TENM2: variants seen among roughly 807,000 people sequenced by gnomAD.
The protein encoded by TENM2 is teneurin-2.
TENM2 carries 52 observed loss-of-function variants against 245.2 expected under a neutral mutation model. The observed-to-expected ratio is 0.21, with a 90% CI of 0.17 to 0.27. The LOEUF is 0.27. Ranked by LOEUF, TENM2 falls within the 10% of genes least tolerant of loss-of-function variation. TENM2 has a pLI of 1.00. For missense variants in TENM2, 3,046 were observed against 3,666.8 expected (o/e 0.83, Z 4.37); for synonymous variants, 1,363 against 1,438.9 (o/e 0.95, Z 1.19).
intron 2 of TENM2, among the ~76,000 whole-genome samples, chr5:167,638,089 A>AGG (rs1779322984): frequency 8.3e-6 from 1 of 121,004 alleles, no homozygotes; most frequent in Non-Finnish European, 1.7e-5. Context: ...AGAACAGGGC[A>AGG]GGTGTGTGTG....
intron 13 of TENM2, among the ~76,000 whole-genome samples, chr5:168,176,157 CT>C (rs1242083343): frequency 6.6e-6 from 1 of 152,094 alleles, no homozygotes; most frequent in African/African-American, 2.4e-5. Flanking sequence ...GGTCCTCCAG[CT>C]TCTAATCTGT....
At chr5:167,313,192 C>T (rs1036261286) in intron 1 of TENM2, among the ~76,000 whole-genome samples, 3 of 152,022 alleles carry the variant, frequency 2.0e-5, no homozygotes, top group Non-Finnish European at 4.4e-5. Context: ...TGCGAGCCAC[C>T]GTGCCCAGCC....
chr5:167,123,415 T>A, the TENM2 span, among the ~76,000 whole-genome samples: 1 of 152,212 alleles, frequency 6.6e-6, no homozygotes, highest in South Asian at 2.1e-4. Context: ...TTGAGTCTTT[T>A]GTTTGCTACC....
the TENM2 span, chr5:167,168,461 A>G: frequency 6.6e-6 from 1 of 152,162 alleles, no homozygotes; most frequent in Admixed American, 6.6e-5. Flanking sequence ...TCATCCTGAA[A>G]CTTTTGTGCT....
At chr5:167,835,938 G>C (rs1403890129) in intron 2 of TENM2, among the ~76,000 whole-genome samples, 1 of 152,154 alleles carries the variant, frequency 6.6e-6, no homozygotes, top group Non-Finnish European at 1.5e-5. Flanking sequence ...GGAAGTGCAA[G>C]TAGAGGACTG....
chr5:167,475,231 G>C (rs1767294690), intron 2 of TENM2, among the ~76,000 whole-genome samples: 1 of 152,106 alleles, frequency 6.6e-6, no homozygotes. Context: ...TAAATACGTT[G>C]AAGAATATCA....
chr5:167,620,052 G>A (rs1362862748), intron 2 of TENM2, among the ~76,000 whole-genome samples: 2 of 152,184 alleles, frequency 1.3e-5, no homozygotes, highest in Non-Finnish European at 1.5e-5. Context: ...TATTTTAAGA[G>A]TAGGGTTGTG....
the TENM2 span, among the ~76,000 whole-genome samples, chr5:167,275,657 T>C: frequency 4.6e-5 from 7 of 152,122 alleles, no homozygotes; most frequent in African/African-American, 1.4e-4. Context: ...TGCCCATGTG[T>C]TCATTGCTAG....
chr5:168,194,495 G>A (rs984469143), intron 14 of TENM2, among the ~76,000 whole-genome samples: 3 of 151,988 alleles, frequency 2.0e-5, no homozygotes, highest in African/African-American at 7.3e-5. Flanking sequence ...GCAGGAATTC[G>A]ACATAAGAGA....
At chr5:167,431,148 T>G (rs1291483221) in intron 2 of TENM2, among the ~76,000 whole-genome samples, 1 of 152,164 alleles carries the variant, frequency 6.6e-6, no homozygotes, top group Non-Finnish European at 1.5e-5. Context: ...ACTATGAAAT[T>G]TTCATAGTGA....
intron 1 of TENM2, among the ~76,000 whole-genome samples, chr5:167,324,726 A>G (rs939170975): frequency 1.3e-5 from 2 of 152,210 alleles, no homozygotes; most frequent in Non-Finnish European, 2.9e-5. Context: ...TTGTGTTTTT[A>G]GTGGTATTTG....
intron 2 of TENM2, chr5:167,653,713 A>G (rs1582660536): frequency 1.3e-5 from 2 of 152,354 alleles, no homozygotes; most frequent in South Asian, 4.1e-4. Flanking sequence ...GAGGTGGGTC[A>G]TGTGACCTAG....
At chr5:168,209,808 G>C (rs907788737) in intron 19 of TENM2, among the ~76,000 whole-genome samples, 1 of 152,176 alleles carries the variant, frequency 6.6e-6, no homozygotes, top group East Asian at 1.9e-4. Context: ...CTTCTACTAA[G>C]TATCTGCAAT....
intron 3 of TENM2, among the ~76,000 whole-genome samples, chr5:167,881,072 A>G (rs904673241): frequency 6.6e-6 from 1 of 152,180 alleles, no homozygotes; most frequent in Non-Finnish European, 1.5e-5. Flanking sequence ...TGGATTTGGG[A>G]TGAGGAAGAA....
intron 2 of TENM2, among the ~76,000 whole-genome samples, chr5:167,466,725 T>C (rs1319468121): frequency 6.6e-6 from 1 of 152,228 alleles, no homozygotes; most frequent in African/African-American, 2.4e-5. Context: ...TCTTTAACTT[T>C]GTTTTGTAGG....
exon 1 of TENM2, chr5:167,284,979 G>A (rs888482529): frequency 4.5e-6 from 7 of 1,551,856 alleles, no homozygotes; most frequent in Non-Finnish European, 6.1e-6. Flanking sequence ...GACTCTGAAG[G>A]CCTATGACCA....
chr5:167,515,608 A>AATATATATATACATATATATACATATAT (rs1770276509), intron 2 of TENM2, among the ~76,000 whole-genome samples: 1 of 46,064 alleles, frequency 2.2e-5, no homozygotes, highest in African/African-American at 7.9e-5. Flanking sequence ...ATCATAGGGC[A>AATATATATATACATATATATACATATAT]ATATATATAT....
chr5:167,354,979 C>T (rs1237388010), intron 1 of TENM2, among the ~76,000 whole-genome samples: 3 of 152,194 alleles, frequency 2.0e-5, no homozygotes, highest in African/African-American at 7.2e-5. Flanking sequence ...CTCTCCCCTA[C>T]GCTACCCCTG....
At chr5:167,915,209 C>G (rs1376089086) in intron 3 of TENM2, among the ~76,000 whole-genome samples, 1 of 152,066 alleles carries the variant, frequency 6.6e-6, no homozygotes, top group African/African-American at 2.4e-5. Flanking sequence ...ATGCTAACAT[C>G]TCAATGTCCA....
Sources: gnomAD v4.1 joint callset for allele counts (sites outside exome capture counted in the v4.1 genomes callset) on GRCh38, gnomAD v4.1.1 for gene constraint, MANE v1.5 for transcripts, NCBI Gene and HGNC (gene_info 2026-07-23, HGNC 2026-07-21) for gene names.